The following CNTNAP2 variants were observed in gnomAD, a reference collection of about 807,000 sequenced individuals.
The protein encoded by CNTNAP2 is contactin-associated protein-like 2.
Under a neutral mutation model 155.2 loss-of-function variants are expected in CNTNAP2, and 98 were observed. The ratio of observed to expected loss-of-function variants is 0.63; its 90% CI spans 0.54 to 0.75. The LOEUF is 0.75. Among genes scored for constraint, CNTNAP2 ranks in the 30% least tolerant of loss-of-function variants. The probability of loss-of-function intolerance (pLI) is 0.00; values close to 1 mark genes in which losing one functional copy is unlikely to be tolerated. For missense variants in CNTNAP2, 1,727 were observed against 1,688.1 expected, an observed-to-expected ratio of 1.02 and a Z score of -0.40; for synonymous variants, 651 against 631.2, an observed-to-expected ratio of 1.03 and a Z score of -0.47.
chr7:147,840,161 C>A (rs145608141), intron 13 of CNTNAP2, among the ~76,000 whole-genome samples: 1 of 151,832 alleles, frequency 6.6e-6, no homozygotes, highest in Non-Finnish European at 1.5e-5. Flanking sequence ...ACTGGAGGCT[C>A]AGAAAGGGAG....
chr7:147,905,741 G>A (rs747404739), intron 14 of CNTNAP2, among the ~76,000 whole-genome samples: 8 of 152,114 alleles, frequency 5.3e-5, no homozygotes, highest in African/African-American at 1.7e-4. Context: ...AAAATTAGCC[G>A]GGCATGGTGG....
chr7:146,218,371 T>C (rs1037918130), intron 1 of CNTNAP2, among the ~76,000 whole-genome samples: 2 of 151,792 alleles, frequency 1.3e-5, no homozygotes, highest in African/African-American at 4.8e-5. Context: ...TAGCCGGGCG[T>C]GGTGGCGGGC....
chr7:148,003,386 AC>A, intron 15 of CNTNAP2, among the ~76,000 whole-genome samples: 1 of 151,990 alleles, frequency 6.6e-6, no homozygotes, highest in Admixed American at 6.6e-5. Context: ...CCCTAACCTA[AC>A]CTTTCATTTT....
At chr7:148,001,770 T>C (rs1334829649) in intron 15 of CNTNAP2, among the ~76,000 whole-genome samples, 1 of 152,208 alleles carries the variant, frequency 6.6e-6, no homozygotes, top group Non-Finnish European at 1.5e-5. Flanking sequence ...AAAGTATTTT[T>C]ATTGGAGCAT....
rs181071953 is a variant in CNTNAP2, at chr7:147,182,622, A to T, written c.1348+50113A>T. On this transcript the variant is annotated intron_variant, in intron 8 of 23. Coordinates refer to ENST00000361727, the MANE Select transcript of CNTNAP2 (RefSeq NM_014141.6). ...TAGATTGAAACCTAAGTATCTTTTTAAAAAAAAACCCTTTTATGTGGCTAT... is the reference window on the plus strand; with the variant it reads ...TAGATTGAAACCTAAGTATCTTTTTTAAAAAAAACCCTTTTATGTGGCTAT... 7.6e-3 allele frequency among the ~76,000 whole-genome samples: 1,108 copies of T among 145,152 alleles called. 6 individuals carry two copies. The highest frequency in any genetic ancestry group is 0.017 in the African/African-American group (589 of 35,556).
chr7:147,745,977 G>A (rs185178061), intron 13 of CNTNAP2, among the ~76,000 whole-genome samples: 47 of 152,300 alleles, frequency 3.1e-4, no homozygotes, highest in Non-Finnish European at 4.4e-5. Context: ...GGTGTAATCT[G>A]TATAATTGTT....
At chr7:147,716,143 C>A (rs1447247933) in intron 13 of CNTNAP2, among the ~76,000 whole-genome samples, 1 of 152,112 alleles carries the variant, frequency 6.6e-6, no homozygotes. Flanking sequence ...TAGCATGTAT[C>A]CACCTACTAC....
At chr7:147,719,045 C>T (rs887051018) in intron 13 of CNTNAP2, among the ~76,000 whole-genome samples, 15 of 152,050 alleles carry the variant, frequency 9.9e-5, no homozygotes, top group Non-Finnish European at 1.2e-4. Flanking sequence ...TAAAGAGATG[C>T]TAATATTTTG....
chr7:146,142,473 T>C (rs1797895437), intron 1 of CNTNAP2, among the ~76,000 whole-genome samples: 1 of 152,050 alleles, frequency 6.6e-6, no homozygotes, highest in African/African-American at 2.4e-5. Context: ...AACACCCAAG[T>C]TTTCATGAAA....
intron 13 of CNTNAP2, among the ~76,000 whole-genome samples, chr7:147,848,903 G>C (rs1563109898): frequency 6.7e-6 from 1 of 149,826 alleles, no homozygotes; most frequent in African/African-American, 2.5e-5. Context: ...TTTTAATTTT[G>C]TTTTTTTTTC....
intron 1 of CNTNAP2, among the ~76,000 whole-genome samples, chr7:146,468,488 G>A (rs1796748017): frequency 6.6e-6 from 1 of 152,056 alleles, no homozygotes; most frequent in African/African-American, 2.4e-5. Context: ...CACAGGAAGT[G>A]CAAGGAGAGT....
intron 15 of CNTNAP2, among the ~76,000 whole-genome samples, chr7:148,026,813 CT>C (rs1802384741): frequency 6.6e-6 from 1 of 152,134 alleles, no homozygotes; most frequent in African/African-American, 2.4e-5. Flanking sequence ...AATAATGACA[CT>C]GCAAATCAGT....
chr7:148,172,046 T>C (rs1350818873), intron 17 of CNTNAP2, among the ~76,000 whole-genome samples, 196 bp from the exon 18 acceptor site: 2 of 152,238 alleles, frequency 1.3e-5, no homozygotes, highest in Non-Finnish European at 2.9e-5. Flanking sequence ...TCTCAGAAGA[T>C]GGCTCTTTTA....
intron 1 of CNTNAP2, among the ~76,000 whole-genome samples, chr7:146,274,033 G>T (rs998361370): frequency 6.6e-6 from 1 of 152,020 alleles, no homozygotes; most frequent in Non-Finnish European, 1.5e-5. Flanking sequence ...ATATGTAATA[G>T]TTGTAACTAT....
At chr7:147,558,422 C>T (rs913623301) in intron 11 of CNTNAP2, among the ~76,000 whole-genome samples, 2 of 152,126 alleles carry the variant, frequency 1.3e-5, no homozygotes, top group Admixed American at 1.3e-4. Context: ...CTATGCTTCT[C>T]CAAATGCAGT....
chr7:147,212,286 G>A (rs563320271), intron 8 of CNTNAP2, among the ~76,000 whole-genome samples: 2 of 152,174 alleles, frequency 1.3e-5, no homozygotes, highest in Admixed American at 1.3e-4. Flanking sequence ...AAAGATACAT[G>A]CACTCATATG....
intron 3 of CNTNAP2, among the ~76,000 whole-genome samples, chr7:146,966,733 A>G (rs1453553303): frequency 6.6e-6 from 1 of 152,208 alleles, no homozygotes; most frequent in African/African-American, 2.4e-5. Flanking sequence ...TTGATTATTC[A>G]TTAGCAGGGT....
At chr7:147,124,935 C>A (rs1801203281) in intron 6 of CNTNAP2, among the ~76,000 whole-genome samples, 1 of 127,938 alleles carries the variant, frequency 7.8e-6, no homozygotes, top group South Asian at 2.5e-4. Flanking sequence ...GGCTGGAGTG[C>A]AGTGGCGCGA....
At chr7:146,570,699 GA>G (rs2129146034) in intron 1 of CNTNAP2, among the ~76,000 whole-genome samples, 1 of 152,156 alleles carries the variant, frequency 6.6e-6, no homozygotes, top group South Asian at 2.1e-4. Flanking sequence ...TATCATTTTA[GA>G]TTCTGTATGT....
Sources: gnomAD v4.1 joint callset for allele counts (sites outside exome capture counted in the v4.1 genomes callset) on GRCh38, gnomAD v4.1.1 for gene constraint, MANE v1.5 for transcripts, NCBI Gene and HGNC (gene_info 2026-07-23, HGNC 2026-07-21) for gene names.